Variants in ERBB4 observed in about 807,000 individuals in gnomAD.
ERBB4 encodes receptor tyrosine-protein kinase erbB-4.
In ERBB4, 42 loss-of-function variants were observed where a neutral mutation model predicts 158.0. The ratio of observed to expected loss-of-function variants is 0.27; its 90% CI spans 0.21 to 0.34. The LOEUF (loss-of-function observed/expected upper bound fraction) is 0.34, where lower values mean the gene tolerates loss of function less well. Ranked by LOEUF, ERBB4 falls within the 10% of genes least tolerant of loss-of-function variation. The pLI is 1.00. For synonymous variants in ERBB4, 583 were observed against 558.7 expected (o/e 1.04, Z -0.61); for missense variants, 1,333 against 1,624.1 (o/e 0.82, Z 3.08).
At chr2:211,513,441 G>T (rs2125620741) in intron 20 of ERBB4, among the ~76,000 whole-genome samples, 1 of 149,664 alleles carries the variant, frequency 6.7e-6, no homozygotes, top group South Asian at 2.1e-4. Context: ...TTCACGGGAA[G>T]TATTTGTGTT....
rs755292446 is a variant in ERBB4, at chr2:212,281,102, CT to C, written c.83-156200del. ...CCCCTCAGAAATACTGAAAGCCCTT[CT>C]TTTTTTTTCTAAAAAACATATTTGC... On this transcript the variant is annotated intron_variant, in intron 1 of 27. Coordinates refer to ENST00000342788, the MANE Select transcript of ERBB4 (RefSeq NM_005235.3). 1.5e-4 allele frequency among the ~76,000 whole-genome samples: 23 copies of C among 150,980 alleles called. No homozygotes were observed. The East Asian group carries it at 1.8e-3, about 11-fold the overall frequency.
chr2:211,832,791 T>C lies in ERBB4; in HGVS notation c.422-44632A>G, dbSNP rs904150466. 3.3e-5 allele frequency among the ~76,000 whole-genome samples: 5 copies of C among 150,684 alleles called. No homozygotes were observed. In the Admixed American group the frequency reaches 3.3e-4, roughly 10 times the overall value. ...ATAGCTGAAGAACACATTCCCTGTC[T>C]ATACGCATTGATATTAAAATAGTTT... On this transcript the variant is annotated intron_variant, in intron 3 of 27. Transcript: ENST00000342788.
chr2:211,560,090 CA>C (rs1234683571), intron 20 of ERBB4, among the ~76,000 whole-genome samples: 1 of 151,726 alleles, frequency 6.6e-6, no homozygotes, highest in African/African-American at 2.4e-5. Context: ...ATGGCATTTG[CA>C]AAGGCAAAAA....
intron 1 of ERBB4, among the ~76,000 whole-genome samples, chr2:212,359,999 GA>G (rs1194030492): frequency 1.4e-4 from 21 of 151,672 alleles, no homozygotes; most frequent in African/African-American, 5.1e-4. Context: ...ACATTGATCA[GA>G]ATCAGAGAAT....
At chr2:212,449,748 T>C (rs943095912) in intron 1 of ERBB4, among the ~76,000 whole-genome samples, 1 of 152,202 alleles carries the variant, frequency 6.6e-6, no homozygotes, top group African/African-American at 2.4e-5. Context: ...AAAAATGACA[T>C]TCATAGGTAT....
At chr2:211,588,315 G>T (rs1309210945) in intron 19 of ERBB4, among the ~76,000 whole-genome samples, 1 of 152,014 alleles carries the variant, frequency 6.6e-6, no homozygotes, top group African/African-American at 2.4e-5. Context: ...TCATATTGCT[G>T]TAGTTTGGGG....
chr2:212,464,692 T>C (rs776402838), intron 1 of ERBB4, among the ~76,000 whole-genome samples: 8 of 152,020 alleles, frequency 5.3e-5, no homozygotes, highest in Non-Finnish European at 8.8e-5. Context: ...TTTTCTAGAG[T>C]GAAACTTCGA....
intron 19 of ERBB4, among the ~76,000 whole-genome samples, chr2:211,604,811 A>C (rs1448685699): frequency 5.3e-5 from 8 of 152,232 alleles, no homozygotes; most frequent in African/African-American, 1.9e-4. Flanking sequence ...CTGTAGTATT[A>C]ATAGAAATAC....
chr2:212,218,530 C>A (rs1051105673), intron 1 of ERBB4, among the ~76,000 whole-genome samples: 12 of 151,256 alleles, frequency 7.9e-5, no homozygotes, highest in African/African-American at 2.7e-4. Flanking sequence ...AAGATTTAAG[C>A]CTGTGAGAGA....
At chr2:211,533,801 G>T (rs2066570393) in intron 20 of ERBB4, among the ~76,000 whole-genome samples, 1 of 151,936 alleles carries the variant, frequency 6.6e-6, no homozygotes, top group Non-Finnish European at 1.5e-5. Flanking sequence ...ATTCATATAT[G>T]ACAAAATAAC....
chr2:211,471,816 T>C (rs1471830362), intron 20 of ERBB4, among the ~76,000 whole-genome samples: 1 of 152,034 alleles, frequency 6.6e-6, no homozygotes, highest in Non-Finnish European at 1.5e-5. Flanking sequence ...TCTGAAAGAA[T>C]GGCACATTAA....
chr2:212,486,629 C>A lies in ERBB4; in HGVS notation c.82+51820G>T, dbSNP rs187265434. ...GTTCTAAGACACAGATAAATTTGAACCAAGTAAAATGGGGATGAAAAGCAC... is the reference window on the plus strand; with the variant it reads ...GTTCTAAGACACAGATAAATTTGAAACAAGTAAAATGGGGATGAAAAGCAC... On this transcript the variant is annotated intron_variant, in intron 1 of 27. Transcript: ENST00000342788. 2.0e-3 allele frequency among the ~76,000 whole-genome samples: 310 copies of A among 152,008 alleles called. 1 individual carries two copies. Among genetic ancestry groups the A allele is most frequent in the Middle Eastern group, 0.017 (5 of 294 alleles).
chr2:211,839,187 G>GGAA (rs1361645351), intron 3 of ERBB4, among the ~76,000 whole-genome samples: 1 of 131,636 alleles, frequency 7.6e-6, no homozygotes, highest in Non-Finnish European at 1.6e-5. Context: ...AGGAGGAGGA[G>GGAA]GAGGAGGGAA....
intron 3 of ERBB4, among the ~76,000 whole-genome samples, chr2:211,947,213 G>T (rs548419288): frequency 6.6e-6 from 1 of 152,220 alleles, no homozygotes; most frequent in South Asian, 2.1e-4. Context: ...GTTCAGCTGA[G>T]ATACAGTATT....
intron 3 of ERBB4, among the ~76,000 whole-genome samples, chr2:211,853,264 T>C (rs770867138): frequency 5.3e-5 from 8 of 151,960 alleles, no homozygotes; most frequent in Non-Finnish European, 1.2e-4. Flanking sequence ...CACTTACCTA[T>C]AGTACATCAA....
rs1229454920 is a variant in ERBB4 at position 211,665,487 on chromosome 2, G to T, written c.1717-10C>A. ...TACAGTTGTCAGGACCCTGAAATGT[G>T]AAAACGAAAAAAAAAGAAAAAAGAA... On this transcript the variant is annotated splice_polypyrimidine_tract_variant and intron_variant, in intron 14 of 27. Coordinates refer to ENST00000342788, the MANE Select transcript of ERBB4 (RefSeq NM_005235.3). The T allele has an allele frequency of 6.2e-7, 1 of 1,604,854 alleles. No homozygotes were observed. The highest frequency in any genetic ancestry group is 8.5e-7 in the Non-Finnish European group (1 of 1,176,758).
chr2:211,908,083 T>G (rs970894078), intron 3 of ERBB4, among the ~76,000 whole-genome samples: 2 of 151,438 alleles, frequency 1.3e-5, no homozygotes, highest in South Asian at 2.1e-4. Flanking sequence ...AAATACAAGG[T>G]GAATTACTTT....
intron 3 of ERBB4, among the ~76,000 whole-genome samples, chr2:211,791,759 T>C (rs2076283619): frequency 6.6e-6 from 1 of 151,878 alleles, no homozygotes; most frequent in African/African-American, 2.4e-5. Flanking sequence ...GAGTAAGATA[T>C]ATTAGACATG....
chr2:211,494,888 T>C (rs1296237051), intron 20 of ERBB4, among the ~76,000 whole-genome samples: 10 of 152,208 alleles, frequency 6.6e-5, no homozygotes, highest in Admixed American at 6.5e-4. Context: ...TGTTTCCTAA[T>C]AGGAAATATG....
Sources: allele counts gnomAD v4.1 joint callset (sites outside exome capture counted in the v4.1 genomes callset), GRCh38; gene constraint gnomAD v4.1.1; transcripts MANE v1.5; gene names NCBI Gene and HGNC (gene_info 2026-07-23, HGNC 2026-07-21).